The following TAOK3 variants were observed in gnomAD, a reference collection of about 807,000 sequenced individuals.
TAOK3 encodes the protein TAO kinase 3.
TAOK3 carries 40 observed loss-of-function variants against 120.4 expected under a neutral mutation model. The ratio of observed to expected loss-of-function variants is 0.33; its 90% CI spans 0.26 to 0.43. The LOEUF (loss-of-function observed/expected upper bound fraction) is 0.43. TAOK3 is among the 20% of genes least tolerant of loss of function. TAOK3 has a pLI of 1.00. For missense variants in TAOK3, 821 were observed against 1,112.1 expected, an observed-to-expected ratio of 0.74 and a Z score of 3.72; for synonymous variants, 355 against 387.5, an observed-to-expected ratio of 0.92 and a Z score of 0.99.
chr12:118,347,555 C>A (rs1212412710), intron 1 of TAOK3, among the ~76,000 whole-genome samples: 1 of 152,154 alleles, frequency 6.6e-6, no homozygotes, highest in African/African-American at 2.4e-5. Context: ...AGGTCATATC[C>A]TTCCATAACC....
intron 1 of TAOK3, among the ~76,000 whole-genome samples, chr12:118,280,182 C>T (rs1365148637): frequency 6.6e-6 from 1 of 151,874 alleles, no homozygotes; most frequent in African/African-American, 2.4e-5. Flanking sequence ...CTGCCTCAGC[C>T]TCCAAGTAGC....
At chr12:118,350,973 CT>C (rs1346171895) in intron 1 of TAOK3, among the ~76,000 whole-genome samples, 1 of 149,564 alleles carries the variant, frequency 6.7e-6, no homozygotes, top group Non-Finnish European at 1.5e-5. Flanking sequence ...GAGGTCAGGA[CT>C]TTGAGACCAC....
chr12:118,175,404 T>G (rs1221859338), intron 16 of TAOK3, among the ~76,000 whole-genome samples: 1 of 152,016 alleles, frequency 6.6e-6, no homozygotes, highest in African/African-American at 2.4e-5. Context: ...AGGTGAAGGA[T>G]TACCTGAGGT....
chr12:118,244,412 T>C (rs1025216555), intron 4 of TAOK3, among the ~76,000 whole-genome samples: 1 of 152,004 alleles, frequency 6.6e-6, no homozygotes, highest in Admixed American at 6.6e-5. Flanking sequence ...AAAATAATTA[T>C]GAATGTTCAC....
At chr12:118,246,573 C>G in intron 3 of TAOK3, 1 of 1,567,046 alleles carries the variant, frequency 6.4e-7, no homozygotes, top group Non-Finnish European at 8.6e-7. Flanking sequence ...CTCCATTGTC[C>G]CCGTGCGCAG....
chr12:118,295,680 A>G (rs1176100505), intron 1 of TAOK3, among the ~76,000 whole-genome samples: 2 of 152,210 alleles, frequency 1.3e-5, no homozygotes, highest in Non-Finnish European at 2.9e-5. Flanking sequence ...ATTTGTTTCA[A>G]TAATACTGGA....
intron 16 of TAOK3, 128 bp from the exon 17 acceptor site, chr12:118,172,788 C>T (rs1233955144): frequency 2.5e-6 from 2 of 806,004 alleles, no homozygotes; most frequent in Non-Finnish European, 4.0e-6. Flanking sequence ...CTTAGTGTTG[C>T]ACATCCTTCC....
At chr12:118,253,620 C>T (rs2040850214) in intron 3 of TAOK3, among the ~76,000 whole-genome samples, 1 of 151,744 alleles carries the variant, frequency 6.6e-6, no homozygotes, top group African/African-American at 2.4e-5. Flanking sequence ...GTCTGTAATC[C>T]CAGCTACTCA....
At chr12:118,338,536 C>G (rs958837247) in intron 1 of TAOK3, among the ~76,000 whole-genome samples, 2 of 151,926 alleles carry the variant, frequency 1.3e-5, no homozygotes. Context: ...GCCTGTAATC[C>G]CAGCACTTTG....
At chr12:118,206,244 C>A (rs939169026) in intron 11 of TAOK3, among the ~76,000 whole-genome samples, 1 of 152,178 alleles carries the variant, frequency 6.6e-6, no homozygotes, top group Non-Finnish European at 1.5e-5. Context: ...GAGCTTGGGT[C>A]GATGACGACA....
chr12:118,241,664 C>A (rs1434275477), intron 5 of TAOK3, among the ~76,000 whole-genome samples: 1 of 152,230 alleles, frequency 6.6e-6, no homozygotes, highest in Non-Finnish European at 1.5e-5. Context: ...TCTAGCTCCC[C>A]TGACTTTTTC....
chr12:118,169,766 T>C (rs2035879409), intron 17 of TAOK3, among the ~76,000 whole-genome samples: 1 of 151,040 alleles, frequency 6.6e-6, no homozygotes, highest in Non-Finnish European at 1.5e-5. Context: ...TGTCACCCAG[T>C]CTGGAGTGCA....
chr12:118,263,356 G>C (rs2041312625), intron 2 of TAOK3, among the ~76,000 whole-genome samples: 1 of 152,156 alleles, frequency 6.6e-6, no homozygotes, highest in South Asian at 2.1e-4. Flanking sequence ...ATAGGTTATA[G>C]AACTAAATGT....
intron 1 of TAOK3, among the ~76,000 whole-genome samples, chr12:118,325,396 T>C (rs1052244572): frequency 6.6e-6 from 1 of 152,194 alleles, no homozygotes; most frequent in African/African-American, 2.4e-5. Flanking sequence ...TTATTGCCTG[T>C]CTTTTGGGTG....
intron 1 of TAOK3, among the ~76,000 whole-genome samples, chr12:118,303,573 T>C (rs1398635537): frequency 2.0e-5 from 3 of 152,236 alleles, no homozygotes; most frequent in African/African-American, 7.2e-5. Flanking sequence ...GTTCTAAGAA[T>C]TGGTTTCTCT....
chr12:118,159,811 C>G (rs932500185), intron 19 of TAOK3: 1 of 336,286 alleles, frequency 3.0e-6, no homozygotes, highest in African/African-American at 2.1e-5. Context: ...TTCATTTGTG[C>G]CTGATATTAG....
chr12:118,221,223 C>CTT (rs371667767), intron 9 of TAOK3, among the ~76,000 whole-genome samples: 4 of 149,956 alleles, frequency 2.7e-5, no homozygotes, highest in African/African-American at 9.8e-5. Context: ...GTTTTCTTTT[C>CTT]TTTTTTTTTT....
intron 11 of TAOK3, among the ~76,000 whole-genome samples, chr12:118,206,779 T>C (rs1333393057): frequency 6.6e-6 from 1 of 151,766 alleles, no homozygotes; most frequent in Admixed American, 6.6e-5. Context: ...TGTATTTTAA[T>C]AGAGATGGGG....
rs568897965 is a variant in TAOK3, at chr12:118,155,768, G to A, written c.2353-3359C>T. Among the ~76,000 whole-genome samples the A allele has an allele frequency of 7.9e-5, 12 of 152,064 alleles. No individual in the cohort carries two copies. The South Asian group carries it at 2.3e-3, about 29-fold the overall frequency. On this transcript the variant is annotated intron_variant, in intron 19 of 20. Transcript: ENST00000392533. The stretch of plus-strand genomic sequence containing the variant: ...TATTTTTTTTAAGAGTCCCAGTCTT[G>A]TTCTGTTGCTCAGGCTGGAGTGCAG...
Sources: gnomAD v4.1 joint callset for allele counts (sites outside exome capture counted in the v4.1 genomes callset) on GRCh38, gnomAD v4.1.1 for gene constraint, MANE v1.5 for transcripts, NCBI Gene and HGNC (gene_info 2026-07-23, HGNC 2026-07-21) for gene names.